STK32A: variants seen among roughly 807,000 people sequenced by gnomAD.
The protein encoded by STK32A is serine/threonine-protein kinase 32A.
A neutral mutation model predicts 53.2 loss-of-function variants in STK32A; 41 were observed. The observed-to-expected ratio is 0.77, with a 90% CI of 0.60 to 1.00. STK32A has a LOEUF of 1.00. Among genes scored for constraint, STK32A ranks in the 50% least tolerant of loss-of-function variants. The pLI, the probability that STK32A is intolerant of heterozygous loss-of-function variation, is 0.00. For synonymous variants in STK32A, 166 were observed against 162.8 expected, an observed-to-expected ratio of 1.02 and a Z score of -0.15; for missense variants, 458 against 485.8, an observed-to-expected ratio of 0.94 and a Z score of 0.54.
Position 147,261,974 on chromosome 5 carries a change from G to A in STK32A, c.53-16150G>A, listed in dbSNP as rs952097100. 3.9e-5 allele frequency among the ~76,000 whole-genome samples: 6 copies of A among 152,248 alleles called. No individual in the cohort carries two copies. The East Asian group carries it at 7.7e-4, about 20-fold the overall frequency. ...GGGGACCCTCAATTTTAAAAACTTA[G>A]CACTGAATCAGAGAGAAAACTTGAG... is the stretch of plus-strand genomic sequence containing the variant. On this transcript the variant is annotated intron_variant, in intron 2 of 12. Transcript: ENST00000397936.
At chr5:147,279,161 C>T in intron 3 of STK32A, 86 bp from the exon 4 acceptor site, 2 of 1,304,428 alleles carry the variant, frequency 1.5e-6, no homozygotes, top group East Asian at 2.5e-5. Flanking sequence ...ATCCAAGCCA[C>T]AGCAAAGAAC....
Position 147,235,212 on chromosome 5 carries a change from C to G in STK32A, c.-97+13C>G, listed in dbSNP as rs1753260594. The G allele has an allele frequency of 6.6e-6, 1 of 152,306 alleles. No individual in the cohort carries two copies. Among genetic ancestry groups the G allele is most frequent in the African/African-American group, 2.4e-5 (1 of 41,452 alleles). The allele number at this position is 152,306 out of a possible 1,614,324, so 9.4% of individuals were successfully genotyped here. The stretch of plus-strand genomic sequence containing the variant: ...GAATCGAGACTAGGTGAGTGGTGGT[C>G]TAGATTTAACGAATAATAACAATAA... On this transcript the variant is annotated intron_variant, in intron 1 of 12. Transcript: ENST00000397936.
At chr5:147,359,880 T>C (rs1281288527) in intron 7 of STK32A, among the ~76,000 whole-genome samples, 2 of 152,172 alleles carry the variant, frequency 1.3e-5, no homozygotes, top group African/African-American at 2.4e-5. Flanking sequence ...TCTAGTTGGA[T>C]GTTGTTCACA....
intron 2 of STK32A, among the ~76,000 whole-genome samples, chr5:147,263,028 G>T (rs746167904): frequency 1.6e-4 from 25 of 152,178 alleles, no homozygotes; most frequent in Non-Finnish European, 3.2e-4. Context: ...CCATACTATG[G>T]TTTATCCTCT....
chr5:147,249,011 T>A (rs1052719630), intron 2 of STK32A, among the ~76,000 whole-genome samples: 1 of 152,144 alleles, frequency 6.6e-6, no homozygotes, highest in Non-Finnish European at 1.5e-5. Flanking sequence ...GGGCTACAGA[T>A]TAAATCAGTG....
At chr5:147,399,491 C>G in the STK32A span, among the ~76,000 whole-genome samples, 1 of 152,240 alleles carries the variant, frequency 6.6e-6, no homozygotes, top group South Asian at 2.1e-4. Flanking sequence ...CTGAAGTATG[C>G]ATTTTTTTCT....
intron 4 of STK32A, among the ~76,000 whole-genome samples, chr5:147,306,366 A>T (rs918449683): frequency 9.2e-5 from 14 of 152,152 alleles, no homozygotes; most frequent in Non-Finnish European, 1.8e-4. Flanking sequence ...AAAGTTTTTT[A>T]AAAACTTTTA....
rs1257918271 is a variant in STK32A at position 147,373,223 on chromosome 5, T to C, written c.832T>C (p.Phe278Leu). ...TTCTCAGTTATCTGATGTCCAGAAC[T>C]TCCCGTATATGAATGATATAAACTG... ...RFSQLSDVQN[F>L]PYMNDINWDA... Residue 278 changes from phenylalanine (F) to leucine (L), a missense_variant, in exon 10 of 13, where the codon TTC (phenylalanine) becomes CTC (leucine). Transcript: ENST00000397936. The C allele has an allele frequency of 6.2e-7, 1 of 1,613,418 alleles. No individual in the cohort carries two copies. Among genetic ancestry groups the C allele is most frequent in the Non-Finnish European group, 8.5e-7 (1 of 1,179,616 alleles).
chr5:147,313,332 C>A (rs1408672776), intron 4 of STK32A, among the ~76,000 whole-genome samples: 1 of 152,146 alleles, frequency 6.6e-6, no homozygotes, highest in Non-Finnish European at 1.5e-5. Context: ...CGGGAAACAA[C>A]CTGAATATTC....
At position 147,371,065 on chromosome 5, in the gene STK32A, G is replaced by A. The variant is rs558616716; in HGVS notation, c.777+295G>A. Among the ~76,000 whole-genome samples the A allele has an allele frequency of 2.0e-5, 3 of 152,196 alleles. No homozygotes were observed. In the South Asian group the frequency reaches 6.2e-4, roughly 32 times the overall value. On this transcript the variant is annotated intron_variant, in intron 9 of 12. Coordinates refer to ENST00000397936, the MANE Select transcript of STK32A (RefSeq NM_001112724.2). Reference sequence around the variant, plus strand: ...TCTCTATCCAAATCCACTTACGCCAGCCAGCAACCAGGACTCATTTGTCAT... The same window carrying A: ...TCTCTATCCAAATCCACTTACGCCAACCAGCAACCAGGACTCATTTGTCAT...
the STK32A span, chr5:147,393,782 CCTGT>C: frequency 2.0e-6 from 1 of 502,920 alleles, no homozygotes; most frequent in Non-Finnish European, 3.6e-6. Flanking sequence ...ACCTTAGTGG[CCTGT>C]CTGATTGCAT....
chr5:147,261,298 G>T (rs571084110), intron 2 of STK32A, among the ~76,000 whole-genome samples: 1 of 152,274 alleles, frequency 6.6e-6, no homozygotes, highest in South Asian at 2.1e-4. Context: ...AGAAGGGTGC[G>T]CCCTTACAGA....
rs1286380138 is a variant in STK32A at position 147,384,354 on chromosome 5, C to T, written c.*371C>T. 2.2e-5 allele frequency: 33 copies of T among 1,499,056 alleles called. No individual in the cohort carries two copies. Among genetic ancestry groups the T allele is most frequent in the Non-Finnish European group, 2.9e-5 (33 of 1,127,400 alleles). The allele number at this position is 1,499,056 out of a possible 1,614,324, so 92.9% of individuals were successfully genotyped here. A position where few individuals can be genotyped will look rare whatever the true frequency, so the allele number is the denominator to read the frequency against. ...AATATATGAATATAGATTTATTTTT[C>T]CACTCCTTCTAATTATGCAGTGACA... On this transcript the variant is annotated 3_prime_UTR_variant, in exon 13 of 13. Transcript: ENST00000397936.
chr5:147,397,882 G>GTA, the STK32A span: 2 of 1,525,700 alleles, frequency 1.3e-6, no homozygotes, highest in South Asian at 1.2e-5. Context: ...CACAGTAAGG[G>GTA]TAGAGAAAGA....
intron 5 of STK32A, among the ~76,000 whole-genome samples, chr5:147,326,306 T>C (rs1340377723): frequency 1.3e-5 from 2 of 152,200 alleles, no homozygotes; most frequent in Non-Finnish European, 2.9e-5. Flanking sequence ...CAGAAGGGCC[T>C]TTTTGTACTG....
In STK32A at chr5:147,286,738, T is replaced by C. The variant is rs1449444545; in HGVS notation, c.260+7340T>C. On this transcript the variant is annotated intron_variant, in intron 4 of 12. Coordinates refer to ENST00000397936, the MANE Select transcript of STK32A (RefSeq NM_001112724.2). ...TCTTTGGCTTTATAGTGAAAGAACA[T>C]TTTTCTTTTATTGTCACTAACAAAT... is the stretch of plus-strand genomic sequence containing the variant. 5.3e-5 allele frequency among the ~76,000 whole-genome samples: 8 copies of C among 152,162 alleles called. No homozygotes were observed. The East Asian group carries it at 1.2e-3, about 22-fold the overall frequency.
chr5:147,363,706 T>A (rs957793189), intron 8 of STK32A, among the ~76,000 whole-genome samples: 3 of 152,222 alleles, frequency 2.0e-5, no homozygotes, highest in African/African-American at 7.2e-5. Context: ...CCATCTTTAT[T>A]TCTAGCTTCT....
At chr5:147,250,981 A>G (rs1417075580) in intron 2 of STK32A, among the ~76,000 whole-genome samples, 4 of 151,860 alleles carry the variant, frequency 2.6e-5, no homozygotes. Context: ...TATGGCAAGT[A>G]TAGACAAGCT....
intron 2 of STK32A, among the ~76,000 whole-genome samples, chr5:147,260,933 A>T (rs1406965540): frequency 1.3e-5 from 2 of 152,234 alleles, no homozygotes; most frequent in Admixed American, 6.5e-5. Flanking sequence ...ACCACCAAGG[A>T]AGCACTTTAC....
Sources: allele counts gnomAD v4.1 joint callset (sites outside exome capture counted in the v4.1 genomes callset), GRCh38; gene constraint gnomAD v4.1.1; transcripts MANE v1.5; gene names NCBI Gene and HGNC (gene_info 2026-07-23, HGNC 2026-07-21).